The following DLX5 variants were observed in gnomAD, a reference collection of about 807,000 sequenced individuals.
The protein encoded by DLX5 is distal-less homeobox 5, also known as homeobox protein DLX-5.
In DLX5, 8 loss-of-function variants were observed where a neutral mutation model predicts 27.1. The observed-to-expected ratio is 0.30, with a 90% CI of 0.17 to 0.53. DLX5 has a LOEUF of 0.53. Among genes scored for constraint, DLX5 ranks in the 20% least tolerant of loss-of-function variants. The pLI is 0.95. For synonymous variants in DLX5, 178 were observed against 161.9 expected (o/e 1.10, Z -0.75); for missense variants, 339 against 375.1 (o/e 0.90, Z 0.80).
Position 97,020,773 on chromosome 7 carries a change from T to C in DLX5, c.833A>G (p.Gln278Arg). The change falls in exon 3 of 3, where the codon CAG becomes CGG. Residue 278 changes from glutamine to arginine, a missense_variant. Coordinates refer to ENST00000648378, the MANE Select transcript of DLX5 (RefSeq NM_005221.6). The part of the protein sequence containing the change: ...NSHLPPPGSL[Q>R]HPLALASGTL... ...CCCGGAGGCCAGCGCCAGCGGGTGC[T>C]GTAAGGAGCCCGGCGGCGGCAGGTG... The C allele has an allele frequency of 2.5e-6, 4 of 1,608,686 alleles. No homozygotes were observed. The highest frequency in any genetic ancestry group is 1.1e-5 in the South Asian group (1 of 90,604).
chr7:97,023,483 A>G (rs1050318481), intron 1 of DLX5, among the ~76,000 whole-genome samples: 4 of 151,886 alleles, frequency 2.6e-5, no homozygotes, highest in Non-Finnish European at 5.9e-5. Context: ...GAAGAGATCA[A>G]ACCTTACCAA....
At chr7:97,022,066 G>C in intron 2 of DLX5, 119 bp downstream of exon 2, 3 of 1,201,788 alleles carry the variant, frequency 2.5e-6, no homozygotes, top group Non-Finnish European at 3.7e-6. Flanking sequence ...GATGTCTTTG[G>C]GTCTGTTAGT....
At position 97,024,542 on chromosome 7, in the gene DLX5, G is replaced by A; in HGVS notation, c.82C>T (p.His28Tyr). The A allele has an allele frequency of 6.2e-7, 1 of 1,614,058 alleles. No individual in the cohort carries two copies. Among genetic ancestry groups the A allele is most frequent in the South Asian group, 1.1e-5 (1 of 91,088 alleles). The change falls in exon 1 of 3, where the codon CAC becomes TAC. Residue 28 changes from histidine (H) to tyrosine (Y), a missense_variant. Around this residue, in one of 3 missense-constraint regions of DLX5, gnomAD observed 188 missense variants for 206.1 expected, o/e 0.91. Transcript: ENST00000648378. This position sits in a 1 kb window ranked among gnomAD's most constrained non-coding sequence, Gnocchi z 4.6. Reference sequence around the variant, plus strand: ...GTTGGCGATTCCTGAGACGGATGGTGCATAGCTGCGGACGTCTGGAACGGA... The same window carrying A: ...GTTGGCGATTCCTGAGACGGATGGTACATAGCTGCGGACGTCTGGAACGGA... ...QAPFQTSAAM[H>Y]HPSQESPTLP...
chr7:97,023,929 C>T (rs1790130152), intron 1 of DLX5, among the ~76,000 whole-genome samples: 2 of 152,278 alleles, frequency 1.3e-5, no homozygotes, highest in South Asian at 2.1e-4. Flanking sequence ...GTTACGCAAA[C>T]GCCAGGAGCT....
chr7:97,020,474 A>G lies in DLX5; in HGVS notation c.*262T>C, dbSNP rs1790016714. Reference sequence around the variant, plus strand: ...ATCTACACTTATTTACATGGCTAAAATAACATTGAAAAAAGTCTTTTGAAA... The same window carrying G: ...ATCTACACTTATTTACATGGCTAAAGTAACATTGAAAAAAGTCTTTTGAAA... On this transcript the variant is annotated 3_prime_UTR_variant, in exon 3 of 3. Coordinates refer to ENST00000648378, the MANE Select transcript of DLX5 (RefSeq NM_005221.6). The G allele has an allele frequency of 1.2e-5, 4 of 342,944 alleles. No homozygotes were observed. In the South Asian group the frequency reaches 3.8e-4, roughly 33 times the overall value. The allele number at this position is 342,944 out of a possible 1,614,324, so 21.2% of individuals were successfully genotyped here. A position where few individuals can be genotyped will look rare whatever the true frequency, so the allele number is the denominator to read the frequency against.
chr7:97,022,067 G>A (rs1220666521), intron 2 of DLX5, 118 bp downstream of exon 2: 13 of 1,220,100 alleles, frequency 1.1e-5, no homozygotes, highest in Middle Eastern at 5.1e-4. Flanking sequence ...ATGTCTTTGG[G>A]TCTGTTAGTT....
Position 97,020,907 on chromosome 7 carries a change from G to A in DLX5, c.699C>T (p.Leu233=). ...GAGGGTGGGCATGAGGGTGGTGGCT[G>A]AGCGAGCGGGACGAGCCCTGGGGCT... The part of the protein sequence containing the change: ...VWEPQGSSRS[L]SHHPHAHPPT... The change falls in exon 3 of 3, where the codon CTC becomes CTT. Residue 233 remains leucine, a synonymous_variant. Transcript: ENST00000648378. 2 of 1,614,176 alleles carry A rather than the reference G, an allele frequency of 1.2e-6. No individual in the cohort carries two copies. Among genetic ancestry groups the A allele is most frequent in the Non-Finnish European group, 1.7e-6 (2 of 1,180,046 alleles).
In DLX5 at chr7:97,020,930, G is replaced by C. The variant is rs1252587922; in HGVS notation, c.676C>G (p.Pro226Ala). 6.2e-7 allele frequency: 1 copy of C among 1,613,950 alleles called. No individual in the cohort carries two copies. The highest frequency in any genetic ancestry group is 8.5e-7 in the Non-Finnish European group (1 of 1,180,052). ...CTGAGCGAGCGGGACGAGCCCTGGG[G>C]CTCCCACACCGCTGGAGACTGCGGC... ...NSPQSPAVWE[P>A]QGSSRSLSHH... The change falls in exon 3 of 3, where the codon CCC becomes GCC. Residue 226 changes from proline to alanine, a missense_variant. This residue lies in a region of DLX5 where 136 missense variants were observed against 130.3 expected (regional missense o/e 1.04). Coordinates refer to ENST00000648378, the MANE Select transcript of DLX5 (RefSeq NM_005221.6).
chr7:97,022,761 A>C (rs192864378), intron 1 of DLX5: 2,441 of 231,892 alleles, frequency 0.011, 16 homozygotes, highest in Non-Finnish European at 0.015. Context: ...GGCTTCAAGG[A>C]GGTGGCCCTG....
Position 97,024,797 on chromosome 7 carries a change from G to GT in DLX5, c.-175dup. 1 of 606,188 alleles carries GT rather than the reference G, an allele frequency of 1.6e-6. No homozygotes were observed. The allele number at this position is 606,188 out of a possible 1,614,324, so 37.6% of individuals were successfully genotyped here. ...GGCCGCGGCGAGGAGGAGACTGGGA[G>GT]TCGTGAAGTCTCTGTCTCCGGCCGG... is the stretch of plus-strand genomic sequence containing the variant. On this transcript the variant is annotated 5_prime_UTR_variant, in exon 1 of 3. Coordinates refer to ENST00000648378, the MANE Select transcript of DLX5 (RefSeq NM_005221.6). The surrounding 1 kb of genome is among the most constrained non-coding windows in gnomAD (Gnocchi z 4.6).
Position 97,020,645 on chromosome 7 carries a change from G to T in DLX5, c.*91C>A. On this transcript the variant is annotated 3_prime_UTR_variant, in exon 3 of 3. Coordinates refer to ENST00000648378, the MANE Select transcript of DLX5 (RefSeq NM_005221.6). Reference sequence around the variant, plus strand: ...ACACATGAATCTTTTTCAGTTTTCCGAACTTCCCCATATGAATTCCTTTCT... The same window carrying T: ...ACACATGAATCTTTTTCAGTTTTCCTAACTTCCCCATATGAATTCCTTTCT... 3.1e-6 allele frequency: 4 copies of T among 1,280,224 alleles called. No individual in the cohort carries two copies. The highest frequency in any genetic ancestry group is 2.5e-5 in the East Asian group (1 of 40,654). The allele number at this position is 1,280,224 out of a possible 1,614,324, so 79.3% of individuals were successfully genotyped here. A position where few individuals can be genotyped will look rare whatever the true frequency, so the allele number is the denominator to read the frequency against.
intron 1 of DLX5, 117 bp from the exon 2 acceptor site, chr7:97,022,486 A>G (rs1034606015): frequency 3.9e-6 from 6 of 1,525,626 alleles, no homozygotes; most frequent in Admixed American, 4.0e-5. Flanking sequence ...CTTTGCCCAT[A>G]TCACCACCAC....
chr7:97,022,706 C>G (rs563471661), intron 1 of DLX5: 225 of 516,994 alleles, frequency 4.4e-4, no homozygotes, highest in Non-Finnish European at 5.3e-4. Flanking sequence ...TGCTCCTCCG[C>G]GTTTCCGCCC....
chr7:97,022,522 T>C (rs929695182), intron 1 of DLX5, 153 bp from the exon 2 acceptor site: 1 of 985,148 alleles, frequency 1.0e-6, no homozygotes, highest in Non-Finnish European at 1.2e-6. Context: ...CCGCGATAAA[T>C]ATGCACCTAC....
Position 97,024,489 on chromosome 7 carries a change from A to C in DLX5, c.135T>G (p.Ser45=), listed in dbSNP as rs772392826. 6.2e-7 allele frequency: 1 copy of C among 1,614,268 alleles called. No individual in the cohort carries two copies. Among genetic ancestry groups the C allele is most frequent in the Non-Finnish European group, 8.5e-7 (1 of 1,180,044 alleles). ...CTCCCCCCGTAGGGCTGTAGTAGTC[A>C]GAATCGGTAGCTGAAGACTCGGGCA... The part of the protein sequence containing the change: ...PTLPESSATD[S]DYYSPTGGAP... Residue 45 remains serine (S), a synonymous_variant, in exon 1 of 3, where the codon TCT becomes TCG. Transcript: ENST00000648378. The surrounding 1 kb of genome is among the most constrained non-coding windows in gnomAD (Gnocchi z 4.6).
chr7:97,022,134 A>T, intron 2 of DLX5, 51 bp downstream of exon 2: 1 of 1,608,824 alleles, frequency 6.2e-7, no homozygotes, highest in Non-Finnish European at 8.5e-7. Context: ...CGCGCGACCC[A>T]ACCAGACGTG....
At position 97,020,623 on chromosome 7, in the gene DLX5, C is replaced by T. The variant is rs1018564643; in HGVS notation, c.*113G>A. 4 of 1,119,566 alleles carry T rather than the reference C, an allele frequency of 3.6e-6. No homozygotes were observed. Among genetic ancestry groups the T allele is most frequent in the Admixed American group, 3.1e-5 (1 of 31,834 alleles). 69.4% of individuals were successfully genotyped at this position (1,119,566 alleles called of 1,614,324 possible). On this transcript the variant is annotated 3_prime_UTR_variant, in exon 3 of 3. Transcript: ENST00000648378. ...CTTACATGCAAAAAAAAGCTTTACA[C>T]ATGAATCTTTTTCAGTTTTCCGAAC...
intron 1 of DLX5, among the ~76,000 whole-genome samples, chr7:97,023,272 C>G (rs1288683933): frequency 6.6e-6 from 1 of 151,780 alleles, no homozygotes; most frequent in African/African-American, 2.4e-5. Flanking sequence ...CAAACCTGCC[C>G]TGGGGCTACA....
rs545645231 is a variant in DLX5, at chr7:97,020,649, T to C, written c.*87A>G. The C allele has an allele frequency of 2.6e-5, 34 of 1,309,680 alleles. No individual in the cohort carries two copies. The African/African-American group carries it at 4.1e-4, about 16-fold the overall frequency. The allele number at this position is 1,309,680 out of a possible 1,614,324, so 81.1% of individuals were successfully genotyped here. On this transcript the variant is annotated 3_prime_UTR_variant, in exon 3 of 3. Transcript: ENST00000648378. ...ATGAATCTTTTTCAGTTTTCCGAAC[T>C]TCCCCATATGAATTCCTTTCTTTAT... is the stretch of plus-strand genomic sequence containing the variant.
Sources: gnomAD v4.1 joint callset for allele counts (sites outside exome capture counted in the v4.1 genomes callset) on GRCh38, gnomAD v4.1.1 for gene constraint, gnomAD v4.1.1 regional missense constraint, Gnocchi (gnomAD v3.1) non-coding constraint, MANE v1.5 for transcripts, NCBI Gene and HGNC (gene_info 2026-07-23, HGNC 2026-07-21) for gene names.